The following COX7A2 variants were observed in gnomAD, a reference collection of about 807,000 sequenced individuals.
COX7A2 encodes the protein cytochrome c oxidase subunit 7A2.
Under a neutral mutation model 11.6 loss-of-function variants are expected in COX7A2, and 11 were observed. The observed-to-expected ratio is 0.95, with a 90% CI of 0.60 to 1.57. COX7A2 has a LOEUF of 1.57. Ranked by LOEUF, COX7A2 falls within the 40% of genes most tolerant of loss-of-function variation. The pLI, the probability that COX7A2 is intolerant of heterozygous loss-of-function variation, is 0.00. For synonymous variants in COX7A2, 30 were observed against 38.2 expected (o/e 0.78, Z 0.79); for missense variants, 106 against 100.9 (o/e 1.05, Z -0.22).
chr6:75,243,254 C>T (rs989570738), intron 1 of COX7A2, among the ~76,000 whole-genome samples: 1 of 152,154 alleles, frequency 6.6e-6, no homozygotes, highest in African/African-American at 2.4e-5. Context: ...AAAGTTCCAC[C>T]CAAAATTGAA....
chr6:75,238,019 C>T, intron 3 of COX7A2, 31 bp from the exon 4 acceptor site: 1 of 1,438,188 alleles, frequency 7.0e-7, no homozygotes, highest in South Asian at 1.4e-5. Flanking sequence ...AGAACTTAAC[C>T]ATAAATTCTA....
chr6:75,244,075 C>T (rs1030119770), upstream of COX7A2: 29 of 349,628 alleles, frequency 8.3e-5, no homozygotes, highest in South Asian at 9.7e-4. Flanking sequence ...TGAGACCAGG[C>T]TATCAAAGAA....
At position 75,241,179 on chromosome 6, in the gene COX7A2, G is replaced by C; in HGVS notation, c.105C>G (p.Phe35Leu). The C allele has an allele frequency of 6.3e-7, 1 of 1,597,768 alleles. No individual in the cohort carries two copies. The highest frequency in any genetic ancestry group is 8.6e-7 in the Non-Finnish European group (1 of 1,167,750). ...CTCCTATAAAATACTTCAGTACCTG[G>C]AACAGTTTTTGCTTCTCCGGAACTT... ...KNKVPEKQKL[F>L]QEDDEIPLYL... is the part of the protein sequence containing the mutation. Residue 35 changes from phenylalanine (F) to leucine (L), a missense_variant, in exon 2 of 4, where the codon TTC becomes TTG. By Grantham distance (22) the Phe-to-Leu change is conservative. Coordinates refer to ENST00000684430, the MANE Select transcript of COX7A2 (RefSeq NM_001366293.2).
At chr6:75,248,539 T>C (rs112875759), upstream of COX7A2, among the ~76,000 whole-genome samples, 1 of 152,236 alleles carries the variant, frequency 6.6e-6, no homozygotes, top group Non-Finnish European at 1.5e-5. Flanking sequence ...ACCAAACCAA[T>C]GTATTTCTTA....
At chr6:75,242,283 TCA>T (rs1187557954) in intron 1 of COX7A2, among the ~76,000 whole-genome samples, 2 of 151,916 alleles carry the variant, frequency 1.3e-5, no homozygotes, top group East Asian at 3.9e-4. Flanking sequence ...GGTGGGTGGA[TCA>T]CCTGAGGTAA....
intron 1 of COX7A2, among the ~76,000 whole-genome samples, chr6:75,241,501 C>G (rs1562369968): frequency 6.6e-6 from 1 of 152,146 alleles, no homozygotes; most frequent in Non-Finnish European, 1.5e-5. Flanking sequence ...CATATAGATT[C>G]TAACCAAAAA....
rs200921400 is a variant in COX7A2 at position 75,248,963 on chromosome 6, G to GA, written c.-44+1092dup. 4.2e-4 allele frequency among the ~76,000 whole-genome samples: 64 copies of GA among 152,268 alleles called. No individual in the cohort carries two copies. The East Asian group carries it at 6.4e-3, about 15-fold the overall frequency. ...AGTGGGCTAAGGTTGTAAAAAGACA[G>GA]AATTTTGGGCCGGGCACGGATTATA... On this transcript the variant is annotated intron_variant, in intron 1 of 4. Coordinates refer to the COX7A2 transcript ENST00000370081.
At chr6:75,246,956 G>T (rs1771692586), upstream of COX7A2, among the ~76,000 whole-genome samples, 1 of 152,166 alleles carries the variant, frequency 6.6e-6, no homozygotes, top group Non-Finnish European at 1.5e-5. Flanking sequence ...ACATCAGTTT[G>T]GGGTTCTTTT....
chr6:75,244,359 GCAAGAAGT>G (rs1562374354), upstream of COX7A2, among the ~76,000 whole-genome samples: 1 of 152,156 alleles, frequency 6.6e-6, no homozygotes, highest in African/African-American at 2.4e-5. Flanking sequence ...AACTCCCCAA[GCAAGAAGT>G]TCTTCCACAG....
At chr6:75,242,154 C>T (rs563157052) in intron 1 of COX7A2, among the ~76,000 whole-genome samples, 1 of 151,350 alleles carries the variant, frequency 6.6e-6, no homozygotes, top group South Asian at 2.1e-4. Flanking sequence ...GAGCCAAGAT[C>T]GCCCCATTGC....
chr6:75,238,825 C>CT (rs558424081), intron 3 of COX7A2, among the ~76,000 whole-genome samples: 2 of 134,916 alleles, frequency 1.5e-5, no homozygotes, highest in African/African-American at 2.7e-5. Context: ...CTTTTTTTTT[C>CT]TTTTTTTTGA....
In COX7A2 at chr6:75,241,319, C is replaced by A. The variant is rs773407424; in HGVS notation, c.19-54G>T. 86 of 1,386,808 alleles carry A rather than the reference C, an allele frequency of 6.2e-5. 1 individual carries two copies. The highest frequency in any genetic ancestry group is 8.2e-5 in the Non-Finnish European group (85 of 1,035,418). 85.9% of individuals were successfully genotyped at this position (1,386,808 alleles called of 1,614,324 possible). ...TAGAGCCTAAAGAAACCTTCAAAAC[C>A]AACTATTTTCAGTCGTTCATATTAT... is the stretch of plus-strand genomic sequence containing the variant. On this transcript the variant is annotated intron_variant, in intron 1 of 3. Coordinates refer to ENST00000684430, the MANE Select transcript of COX7A2 (RefSeq NM_001366293.2).
chr6:75,240,016 G>A (rs1350938219), intron 3 of COX7A2, among the ~76,000 whole-genome samples: 1 of 152,036 alleles, frequency 6.6e-6, no homozygotes, highest in African/African-American at 2.4e-5. Flanking sequence ...CAGGAGAATC[G>A]CTTGAACCCG....
chr6:75,238,704 CAAAAAAAAAAAAAA>C (rs35057968), intron 3 of COX7A2, among the ~76,000 whole-genome samples: 1 of 55,750 alleles, frequency 1.8e-5, no homozygotes, highest in African/African-American at 7.5e-5. Context: ...AACTCCATCT[CAAAAAAAAAAAAAA>C]AAAAAAAAAA....
chr6:75,240,825 T>C (rs1169623135), intron 2 of COX7A2: 1 of 193,220 alleles, frequency 5.2e-6, no homozygotes, highest in African/African-American at 2.3e-5. Flanking sequence ...TAGCATCTAA[T>C]CCAGCATACA....
At chr6:75,246,600 C>T (rs1359528883), upstream of COX7A2, among the ~76,000 whole-genome samples, 4 of 152,134 alleles carry the variant, frequency 2.6e-5, no homozygotes, top group Non-Finnish European at 5.9e-5. Context: ...TCATGTATCC[C>T]TGGCATCTAG....
At chr6:75,246,825 A>C (rs999388313), upstream of COX7A2, among the ~76,000 whole-genome samples, 1 of 152,190 alleles carries the variant, frequency 6.6e-6, no homozygotes, top group Non-Finnish European at 1.5e-5. Flanking sequence ...CAAATGACTG[A>C]AATTTGCCTG....
chr6:75,246,182 C>T (rs1256151636), upstream of COX7A2, among the ~76,000 whole-genome samples: 3 of 152,202 alleles, frequency 2.0e-5, no homozygotes, highest in African/African-American at 7.2e-5. Flanking sequence ...CTCGCCTGGC[C>T]TTTCCCATTA....
rs776404455 is a variant in COX7A2 at position 75,243,748 on chromosome 6, G to A, written c.-14C>T. ...ATTCCGCAGCATCTTGGCTGTTACTGACCAGCAACCGCCACAACTGAACAC... is the reference window on the plus strand; with the variant it reads ...ATTCCGCAGCATCTTGGCTGTTACTAACCAGCAACCGCCACAACTGAACAC... On this transcript the variant is annotated 5_prime_UTR_variant, in exon 1 of 4. Coordinates refer to ENST00000684430, the MANE Select transcript of COX7A2 (RefSeq NM_001366293.2). 14 of 1,613,740 alleles carry A rather than the reference G, an allele frequency of 8.7e-6. No individual in the cohort carries two copies. The highest frequency in any genetic ancestry group is 7.6e-6 in the Non-Finnish European group (9 of 1,179,890).
Sources: gnomAD v4.1 joint callset for allele counts (sites outside exome capture counted in the v4.1 genomes callset) on GRCh38, gnomAD v4.1.1 for gene constraint, MANE v1.5 for transcripts, NCBI Gene and HGNC (gene_info 2026-07-23, HGNC 2026-07-21) for gene names.